The following NLK variants were observed in gnomAD, a reference collection of about 807,000 sequenced individuals.
NLK encodes serine/threonine-protein kinase NLK.
In NLK, 11 loss-of-function variants were observed where a neutral mutation model predicts 59.0. The ratio of observed to expected loss-of-function variants is 0.19; its 90% CI spans 0.12 to 0.31. The LOEUF (loss-of-function observed/expected upper bound fraction) is 0.31, where lower values mean the gene tolerates loss of function less well. Among genes scored for constraint, NLK ranks in the 10% least tolerant of loss-of-function variants. NLK has a pLI of 1.00. For synonymous variants in NLK, 235 were observed against 235.9 expected, an observed-to-expected ratio of 1.00 and a Z score of 0.03; for missense variants, 410 against 661.1, an observed-to-expected ratio of 0.62 and a Z score of 4.16.
intron 1 of NLK, among the ~76,000 whole-genome samples, chr17:28,056,172 T>C (rs1461419474): frequency 6.6e-6 from 1 of 152,254 alleles, no homozygotes; most frequent in Admixed American, 6.5e-5. Context: ...TCACACTGTA[T>C]TTACAATTTT....
intron 1 of NLK, among the ~76,000 whole-genome samples, chr17:28,049,596 A>G (rs1034966895): frequency 6.6e-6 from 1 of 152,228 alleles, no homozygotes; most frequent in Admixed American, 6.5e-5. Context: ...AGTAAACAAT[A>G]TGAACAATGA....
intron 6 of NLK, among the ~76,000 whole-genome samples, chr17:28,169,721 CTTTTTTTT>C (rs1193124964): frequency 2.7e-5 from 3 of 111,620 alleles, no homozygotes; most frequent in African/African-American, 6.8e-5. Context: ...GCTTCTTCTT[CTTTTTTTT>C]TTTTTTTTTT....
chr17:28,187,500 C>T (rs2037076389), intron 8 of NLK, among the ~76,000 whole-genome samples: 1 of 152,154 alleles, frequency 6.6e-6, no homozygotes, highest in African/African-American at 2.4e-5. Context: ...TGGGGTTTCA[C>T]CATGTTGGTC....
At chr17:28,111,890 GTGTGTGGTGTGTGTGTGT>G (rs1905509166) in intron 1 of NLK, among the ~76,000 whole-genome samples, 6 of 117,562 alleles carry the variant, frequency 5.1e-5, no homozygotes, top group African/African-American at 2.1e-4. Context: ...GTGTGTGTGT[GTGTGTGGTGTGTGTGTGT>G]GTGTGTGTGT....
At chr17:28,202,583 CAG>C in the NLK span, among the ~76,000 whole-genome samples, 1 of 152,010 alleles carries the variant, frequency 6.6e-6, no homozygotes, top group Non-Finnish European at 1.5e-5. Flanking sequence ...GTTTTGGTCT[CAG>C]GGTAATGTTG....
Position 28,185,289 on chromosome 17 carries a change from A to AT in NLK, c.1236+29dup, listed in dbSNP as rs747834513. On this transcript the variant is annotated intron_variant, in intron 8 of 10. Coordinates refer to ENST00000407008, the MANE Select transcript of NLK (RefSeq NM_016231.5). The stretch of plus-strand genomic sequence containing the variant: ...CAGTAAGTAGTGTTTTTTTTTATAT[A>AT]TTTTTAATGAATTACAAATACATGT... The AT allele has an allele frequency of 2.2e-6, 3 of 1,371,896 alleles. No homozygotes were observed. The African/African-American group carries it at 4.4e-5, about 20-fold the overall frequency. 85.0% of individuals were successfully genotyped at this position (1,371,896 alleles called of 1,614,324 possible).
chr17:28,152,695 C>G (rs1472857156), intron 3 of NLK, among the ~76,000 whole-genome samples: 1 of 152,032 alleles, frequency 6.6e-6, no homozygotes, highest in Non-Finnish European at 1.5e-5. Context: ...GCAATCATGG[C>G]TCACCACAGC....
In NLK at chr17:28,191,096, A is replaced by G; in HGVS notation, c.1312A>G (p.Met438Val). 1.2e-6 allele frequency: 2 copies of G among 1,613,960 alleles called. No individual in the cohort carries two copies. The highest frequency in any genetic ancestry group is 1.7e-6 in the Non-Finnish European group (2 of 1,179,862). The change falls in exon 9 of 11, where the codon ATG (methionine) becomes GTG (valine). Residue 438 changes from methionine to valine, a missense_variant. This residue lies in a region of NLK where 150 missense variants were observed against 244.3 expected (regional missense o/e 0.61). Transcript: ENST00000407008. ...AGGGCGACTACGATATCACACATGT[A>G]TGTGTAAATGTTGCTTTTCCACCTC... ...DEGRLRYHTC[M>V]CKCCFSTSTG...
chr17:28,063,755 A>G (rs1210204217), intron 1 of NLK, among the ~76,000 whole-genome samples: 1 of 152,198 alleles, frequency 6.6e-6, no homozygotes, highest in Non-Finnish European at 1.5e-5. Context: ...AGGTTAGCAG[A>G]AAAGAATTGT....
chr17:28,172,687 A>G, intron 7 of NLK, 69 bp downstream of exon 7: 1 of 828,708 alleles, frequency 1.2e-6, no homozygotes, highest in East Asian at 3.3e-5. Flanking sequence ...CAATAGAGTA[A>G]TCTATTAAGG....
intron 6 of NLK, among the ~76,000 whole-genome samples, chr17:28,170,718 T>C (rs543516150): frequency 1.6e-4 from 24 of 152,270 alleles, no homozygotes; most frequent in African/African-American, 5.1e-4. Flanking sequence ...TAAAAAATAA[T>C]AAGGAAGTAT....
chr17:28,120,266 G>A (rs965129427), intron 1 of NLK, among the ~76,000 whole-genome samples: 1 of 150,694 alleles, frequency 6.6e-6, no homozygotes, highest in African/African-American at 2.5e-5. Flanking sequence ...GTGTGTGTGT[G>A]TGTGTGTATG....
intron 3 of NLK, 40 bp from the exon 4 acceptor site, chr17:28,161,120 G>A: frequency 9.3e-7 from 1 of 1,074,948 alleles, no homozygotes; most frequent in Non-Finnish European, 1.4e-6. Flanking sequence ...GGGGGTAGGG[G>A]ACTGAATTCG....
intron 1 of NLK, among the ~76,000 whole-genome samples, chr17:28,064,063 C>G (rs1019741749): frequency 1.3e-5 from 2 of 150,268 alleles, no homozygotes; most frequent in Non-Finnish European, 3.0e-5. Flanking sequence ...TTTTCAGGAA[C>G]ATAGTAGGCT....
chr17:28,194,990 C>CAG lies in NLK; in HGVS notation c.*355_*356insGA, dbSNP rs934617966. On this transcript the variant is annotated 3_prime_UTR_variant, in exon 11 of 11. Coordinates refer to ENST00000407008, the MANE Select transcript of NLK (RefSeq NM_016231.5). ...AAAATGAAGTGAGATTGTTCACACA[C>CAG]ACACACACACACACACACACACACA... The CAG allele has an allele frequency of 4.4e-4, 72 of 164,942 alleles. No homozygotes were observed. The highest frequency in any genetic ancestry group is 8.4e-4 in the Non-Finnish European group (64 of 76,476). The allele number at this position is 164,942 out of a possible 1,614,324, so 10.2% of individuals were successfully genotyped here.
intron 3 of NLK, among the ~76,000 whole-genome samples, chr17:28,154,897 T>C (rs1234483393): frequency 6.6e-6 from 1 of 152,068 alleles, no homozygotes; most frequent in Non-Finnish European, 1.5e-5. Context: ...TCGGGCATGG[T>C]AGCATGTGCC....
chr17:28,096,622 A>G (rs1211153849), intron 1 of NLK, among the ~76,000 whole-genome samples: 3 of 152,158 alleles, frequency 2.0e-5, no homozygotes, highest in East Asian at 1.9e-4. Flanking sequence ...GAAACTTTCA[A>G]TGGGTCATTG....
intron 1 of NLK, among the ~76,000 whole-genome samples, chr17:28,072,515 A>G (rs991371568): frequency 4.0e-5 from 6 of 151,806 alleles, no homozygotes; most frequent in African/African-American, 1.5e-4. Context: ...TTTTGTAGAG[A>G]CAGGGTCTCA....
chr17:28,151,344 G>A (rs539730023), intron 3 of NLK, among the ~76,000 whole-genome samples: 1 of 152,256 alleles, frequency 6.6e-6, no homozygotes, highest in East Asian at 1.9e-4. Flanking sequence ...TGTATTGTTA[G>A]AGCTTCAAAT....
Sources: gnomAD v4.1 joint callset for allele counts (sites outside exome capture counted in the v4.1 genomes callset) on GRCh38, gnomAD v4.1.1 for gene constraint, gnomAD v4.1.1 regional missense constraint, MANE v1.5 for transcripts, NCBI Gene and HGNC (gene_info 2026-07-23, HGNC 2026-07-21) for gene names.